PCDHGB3: variants seen among roughly 807,000 people sequenced by gnomAD.
The protein encoded by PCDHGB3 is protocadherin gamma subfamily B, 3, also known as protocadherin gamma-B3.
In PCDHGB3, 40 loss-of-function variants were observed where a neutral mutation model predicts 59.2. The observed-to-expected ratio is 0.68, with a 90% confidence interval of 0.52 to 0.88. The LOEUF is 0.88. PCDHGB3 is among the 40% of genes least tolerant of loss of function. The pLI, the probability that PCDHGB3 is intolerant of heterozygous loss-of-function variation, is 0.00. For synonymous variants in PCDHGB3, 581 were observed against 503.6 expected (o/e 1.15, Z -2.06); for missense variants, 1,309 against 1,187.9 (o/e 1.10, Z -1.50).
At chr5:141,443,952 A>T (rs1355073040) in intron 1 of PCDHGB3, among the ~76,000 whole-genome samples, 4 of 152,134 alleles carry the variant, frequency 2.6e-5, no homozygotes, top group Non-Finnish European at 4.4e-5. Context: ...CCTTATTGGT[A>T]TGTATTCTGT....
rs762200805 is a variant in PCDHGB3 at position 141,423,045 on chromosome 5, C to T, written c.2415+50236C>T. 8 of 1,614,210 alleles carry T rather than the reference C, an allele frequency of 5.0e-6. No homozygotes were observed. The East Asian group carries it at 1.8e-4, about 36-fold the overall frequency. ...ATTCAGGCCAGAACGCCTGGCTGTCCTATCGCCTGCTTAAGGCCAGCGAGC... is the reference window on the plus strand; with the variant it reads ...ATTCAGGCCAGAACGCCTGGCTGTCTTATCGCCTGCTTAAGGCCAGCGAGC... On this transcript the variant is annotated intron_variant, in intron 1 of 3. Transcript: ENST00000576222.
chr5:141,454,385 T>C (rs1168439343), intron 1 of PCDHGB3, among the ~76,000 whole-genome samples: 5 of 152,194 alleles, frequency 3.3e-5, no homozygotes, highest in Non-Finnish European at 7.4e-5. Flanking sequence ...CTTGTCAAGA[T>C]GAAGAAAAGG....
At chr5:141,423,192 C>T in intron 1 of PCDHGB3, 2 of 1,613,622 alleles carry the variant, frequency 1.2e-6, no homozygotes, top group African/African-American at 2.7e-5. Context: ...AGCCCCCTCT[C>T]TCGGCCACCG....
intron 1 of PCDHGB3, among the ~76,000 whole-genome samples, chr5:141,451,062 T>C (rs1292296274): frequency 1.3e-5 from 2 of 151,500 alleles, no homozygotes; most frequent in Non-Finnish European, 2.9e-5. Flanking sequence ...ACTCCTGACC[T>C]TGTGATCCAC....
chr5:141,482,383 G>A (rs1594230401), intron 1 of PCDHGB3, among the ~76,000 whole-genome samples: 2 of 152,240 alleles, frequency 1.3e-5, no homozygotes, highest in East Asian at 3.9e-4. Context: ...TAAAGTCCCT[G>A]TATGGAGCAA....
At chr5:141,466,549 T>C (rs778708029) in intron 1 of PCDHGB3, among the ~76,000 whole-genome samples, 2 of 152,244 alleles carry the variant, frequency 1.3e-5, no homozygotes, top group African/African-American at 2.4e-5. Flanking sequence ...GGTCTTTTGC[T>C]GTGGGCTTCA....
At chr5:141,418,326 C>T (rs1398536611) in intron 1 of PCDHGB3, 2 of 1,613,986 alleles carry the variant, frequency 1.2e-6, no homozygotes, top group Non-Finnish European at 1.7e-6. Context: ...ATTCTTGAGT[C>T]TGCAGAAGAT....
intron 1 of PCDHGB3, chr5:141,421,961 A>G: frequency 6.2e-7 from 1 of 1,612,542 alleles, no homozygotes; most frequent in Non-Finnish European, 8.5e-7. Context: ...ATGTTTACAC[A>G]GTCCGTATAT....
chr5:141,459,285 A>G (rs1316912878), intron 1 of PCDHGB3, among the ~76,000 whole-genome samples: 1 of 152,202 alleles, frequency 6.6e-6, no homozygotes, highest in Non-Finnish European at 1.5e-5. Context: ...TTTCATCTAA[A>G]TGGAATCCTA....
chr5:141,434,747 C>T (rs2097714000), intron 1 of PCDHGB3, among the ~76,000 whole-genome samples: 1 of 151,606 alleles, frequency 6.6e-6, no homozygotes, highest in South Asian at 2.1e-4. Flanking sequence ...GCTATGAGAC[C>T]CCTGATTCCC....
intron 1 of PCDHGB3, chr5:141,423,253 C>T (rs750278899): frequency 6.2e-7 from 1 of 1,613,916 alleles, no homozygotes; most frequent in Non-Finnish European, 8.5e-7. Flanking sequence ...CCTGGCGGAC[C>T]TCGGCAGCCT....
rs1018097924 is a variant in PCDHGB3 at position 141,413,435 on chromosome 5, G to C, written c.2415+40626G>C. Reference sequence around the variant, plus strand: ...TTCTCTCTGAACCCGCGCAGCGGCAGCTTGATCACCGCGGGCAGGATAGAC... The same window carrying C: ...TTCTCTCTGAACCCGCGCAGCGGCACCTTGATCACCGCGGGCAGGATAGAC... On this transcript the variant is annotated intron_variant, in intron 1 of 3. Transcript: ENST00000576222. The C allele has an allele frequency of 6.2e-6, 10 of 1,614,004 alleles. No homozygotes were observed. The Admixed American group carries it at 1.7e-4, about 27-fold the overall frequency.
intron 1 of PCDHGB3, chr5:141,389,864 G>A: frequency 6.2e-7 from 1 of 1,614,058 alleles, no homozygotes; most frequent in Non-Finnish European, 8.5e-7. Flanking sequence ...CGTTGCACCT[G>A]GTCTTCGCCG....
Position 141,413,476 on chromosome 5 carries a change from G to T in PCDHGB3, c.2415+40667G>T, listed in dbSNP as rs566734719. 2.1e-5 allele frequency: 34 copies of T among 1,614,004 alleles called. No homozygotes were observed. The South Asian group carries it at 3.7e-4, about 18-fold the overall frequency. ...CAGGATAGACCGGGAGGAGCTCTGC[G>T]CTCAGAGCGCGCGGTGCGTGGTGAG... On this transcript the variant is annotated intron_variant, in intron 1 of 3. Coordinates refer to ENST00000576222, the MANE Select transcript of PCDHGB3 (RefSeq NM_018924.5).
At chr5:141,383,781 G>A (rs1435690676) in intron 1 of PCDHGB3, 13 of 1,613,850 alleles carry the variant, frequency 8.1e-6, no homozygotes, top group Non-Finnish European at 1.1e-5. Context: ...TGTTTCATCT[G>A]AACTCGCTTA....
Position 141,476,511 on chromosome 5 carries a change from A to G in PCDHGB3, c.2416-18296A>G, listed in dbSNP as rs1562054650. Reference sequence around the variant, plus strand: ...GTGATCCAGGACATCAACGACAACAATCCTGCTTTCCCTACCCAGGAAATG... The same window carrying G: ...GTGATCCAGGACATCAACGACAACAGTCCTGCTTTCCCTACCCAGGAAATG... On this transcript the variant is annotated intron_variant, in intron 1 of 3. Transcript: ENST00000576222. The surrounding 1 kb of genome is among the most constrained non-coding windows in gnomAD (Gnocchi z 7.6). The G allele has an allele frequency of 5.0e-6, 8 of 1,613,902 alleles. No individual in the cohort carries two copies. The highest frequency in any genetic ancestry group is 6.8e-6 in the Non-Finnish European group (8 of 1,179,960).
chr5:141,474,325 C>A (rs540113771), intron 1 of PCDHGB3, among the ~76,000 whole-genome samples: 1 of 152,256 alleles, frequency 6.6e-6, no homozygotes, highest in Admixed American at 6.5e-5. Context: ...TTTCAAATCA[C>A]CCTGATGTTT....
rs534845593 is a variant in PCDHGB3, at chr5:141,478,216, G to A, written c.2416-16591G>A. On this transcript the variant is annotated intron_variant, in intron 1 of 3. Coordinates refer to ENST00000576222, the MANE Select transcript of PCDHGB3 (RefSeq NM_018924.5). ...TTTATCTACTTCTTTCTCTAATCCTGGTTTCTGTGGGGTTTGTGGTCACAG... is the reference window on the plus strand; with the variant it reads ...TTTATCTACTTCTTTCTCTAATCCTAGTTTCTGTGGGGTTTGTGGTCACAG... 414 of 1,614,090 alleles carry A rather than the reference G, an allele frequency of 2.6e-4. 9 individuals carry two copies. In the South Asian group the frequency reaches 4.4e-3, roughly 17 times the overall value.
intron 1 of PCDHGB3, chr5:141,375,025 T>C (rs1771054334): frequency 3.7e-6 from 6 of 1,614,042 alleles, no homozygotes; most frequent in Non-Finnish European, 5.1e-6. Flanking sequence ...ACTCGAGTTT[T>C]TATGAGCTGG....
Sources: gnomAD v4.1 joint callset for allele counts (sites outside exome capture counted in the v4.1 genomes callset) on GRCh38, gnomAD v4.1.1 for gene constraint, Gnocchi (gnomAD v3.1) non-coding constraint, MANE v1.5 for transcripts, NCBI Gene and HGNC (gene_info 2026-07-23, HGNC 2026-07-21) for gene names.